UBE2H: variants seen among roughly 807,000 people sequenced by gnomAD.
UBE2H encodes ubiquitin conjugating enzyme E2 H, also known as ubiquitin-conjugating enzyme E2 H.
A neutral mutation model predicts 29.0 loss-of-function variants in UBE2H; 3 were observed. The ratio of observed to expected loss-of-function variants is 0.10; its 90% CI spans 0.05 to 0.27. The LOEUF (loss-of-function observed/expected upper bound fraction) is 0.27, where lower values mean the gene tolerates loss of function less well. UBE2H is among the 10% of genes least tolerant of loss of function. UBE2H has a pLI of 1.00. For synonymous variants in UBE2H, 69 were observed against 82.9 expected, an observed-to-expected ratio of 0.83 and a Z score of 0.91; for missense variants, 68 against 228.2, an observed-to-expected ratio of 0.30 and a Z score of 4.52.
intron 1 of UBE2H, among the ~76,000 whole-genome samples, chr7:129,889,877 C>T (rs931865757): frequency 3.3e-5 from 5 of 152,132 alleles, no homozygotes; most frequent in Admixed American, 6.5e-5. Flanking sequence ...ATACTCCTAG[C>T]TAATCGGAAG....
At chr7:129,903,435 G>C (rs190886365) in intron 1 of UBE2H, among the ~76,000 whole-genome samples, 15 of 152,296 alleles carry the variant, frequency 9.8e-5, no homozygotes, top group Non-Finnish European at 1.9e-4. Flanking sequence ...CATCCTAAGA[G>C]TGTCTGTAAT....
chr7:129,922,327 C>T (rs1245124378), intron 1 of UBE2H, among the ~76,000 whole-genome samples: 2 of 151,354 alleles, frequency 1.3e-5, no homozygotes, highest in Non-Finnish European at 2.9e-5. Context: ...GCTCTGGCAC[C>T]CAGGCTGGAA....
chr7:129,853,842 T>C (rs1041707274), intron 5 of UBE2H, among the ~76,000 whole-genome samples: 1 of 152,192 alleles, frequency 6.6e-6, no homozygotes, highest in Non-Finnish European at 1.5e-5. Context: ...CAACTGTGAA[T>C]TGTTGTTACG....
intron 1 of UBE2H, among the ~76,000 whole-genome samples, chr7:129,909,381 C>G (rs867106732): frequency 1.1e-4 from 16 of 152,038 alleles, no homozygotes; most frequent in African/African-American, 3.4e-4. Flanking sequence ...GAATTTCTGA[C>G]CTACACCTCA....
At chr7:129,947,651 C>T (rs1355406778) in intron 1 of UBE2H, among the ~76,000 whole-genome samples, 2 of 152,120 alleles carry the variant, frequency 1.3e-5, no homozygotes, top group African/African-American at 4.8e-5. Flanking sequence ...TCATTTTAAC[C>T]TTTCTATTCC....
intron 5 of UBE2H, among the ~76,000 whole-genome samples, chr7:129,842,252 A>G (rs1325611457): frequency 1.3e-5 from 2 of 152,124 alleles, no homozygotes. Context: ...CCAACATGGC[A>G]AAACCCTGTC....
intron 1 of UBE2H, among the ~76,000 whole-genome samples, chr7:129,909,510 T>C (rs1035891190): frequency 2.6e-5 from 4 of 152,110 alleles, no homozygotes; most frequent in African/African-American, 9.7e-5. Context: ...CCAAGGGTCT[T>C]TTCCTTTTGC....
intron 5 of UBE2H, among the ~76,000 whole-genome samples, chr7:129,850,164 C>T (rs1298831504): frequency 6.6e-6 from 1 of 151,830 alleles, no homozygotes; most frequent in Non-Finnish European, 1.5e-5. Flanking sequence ...CCCAGGGGTT[C>T]GAGACCAGCC....
At chr7:129,875,833 C>T (rs1159215366) in intron 3 of UBE2H, among the ~76,000 whole-genome samples, 3 of 152,180 alleles carry the variant, frequency 2.0e-5, no homozygotes, top group African/African-American at 4.8e-5. Flanking sequence ...CTGTGAACCT[C>T]GAGAAGTGTG....
chr7:129,952,384 G>C, intron 1 of UBE2H, 119 bp downstream of exon 1: 1 of 1,266,110 alleles, frequency 7.9e-7, no homozygotes, highest in Non-Finnish European at 1.1e-6. Flanking sequence ...TGGGGGAGGA[G>C]GGGAGTCTCG....
intron 1 of UBE2H, among the ~76,000 whole-genome samples, chr7:129,926,934 G>T (rs1279822271): frequency 6.6e-6 from 1 of 152,152 alleles, no homozygotes; most frequent in Non-Finnish European, 1.5e-5. Flanking sequence ...TTTACAACCT[G>T]ATTCTTTAAT....
chr7:129,883,672 T>C (rs1205365896), intron 1 of UBE2H, among the ~76,000 whole-genome samples: 1 of 152,210 alleles, frequency 6.6e-6, no homozygotes, highest in Non-Finnish European at 1.5e-5. Flanking sequence ...CGAAACCCTA[T>C]CTCTACTAAA....
intron 6 of UBE2H, 61 bp downstream of exon 6, chr7:129,839,146 T>C (rs1257014092): frequency 8.2e-6 from 13 of 1,576,652 alleles, no homozygotes; most frequent in South Asian, 7.0e-5. Context: ...GGACTTTTAA[T>C]GACTGAAGCC....
chr7:129,842,229 G>A (rs1048145758), intron 5 of UBE2H, among the ~76,000 whole-genome samples: 6 of 152,148 alleles, frequency 3.9e-5, no homozygotes, highest in African/African-American at 9.7e-5. Flanking sequence ...CCAGGAGTTC[G>A]AGACCAGCCT....
intron 5 of UBE2H, among the ~76,000 whole-genome samples, chr7:129,840,208 G>A (rs1303072266): frequency 1.3e-5 from 2 of 151,634 alleles, no homozygotes; most frequent in African/African-American, 2.4e-5. Context: ...TTTTTTGAGA[G>A]AGGATCTCAC....
At chr7:129,848,322 A>C (rs1450194794) in intron 5 of UBE2H, among the ~76,000 whole-genome samples, 1 of 152,244 alleles carries the variant, frequency 6.6e-6, no homozygotes, top group Non-Finnish European at 1.5e-5. Flanking sequence ...GAAGCATGCT[A>C]TCCAAACTTC....
chr7:129,879,543 G>A (rs374163084), intron 3 of UBE2H, 25 bp downstream of exon 3: 48 of 1,601,318 alleles, frequency 3.0e-5, no homozygotes, highest in Non-Finnish European at 1.2e-5. Flanking sequence ...AACTCTCTAA[G>A]GAGAAAAACC....
intron 3 of UBE2H, among the ~76,000 whole-genome samples, chr7:129,872,414 C>T (rs769716827): frequency 2.0e-5 from 3 of 152,042 alleles, no homozygotes; most frequent in Admixed American, 6.5e-5. Context: ...TTATAAACCT[C>T]CACTCCAAAA....
rs1421596835 is a variant in UBE2H at position 129,866,430 on chromosome 7, A to C, written c.206-7489T>G. On this transcript the variant is annotated intron_variant, in intron 3 of 6. Coordinates refer to ENST00000355621, the MANE Select transcript of UBE2H (RefSeq NM_003344.4). ...CCTTTGGTTTCATTTTTGGGAGACT[A>C]ACTTCTGTTTTGTTTTCATAGTTTA... 2.0e-5 allele frequency among the ~76,000 whole-genome samples: 3 copies of C among 152,290 alleles called. No individual in the cohort carries two copies. The East Asian group carries it at 5.8e-4, about 29-fold the overall frequency.
Sources: gnomAD v4.1 joint callset for allele counts (sites outside exome capture counted in the v4.1 genomes callset) on GRCh38, gnomAD v4.1.1 for gene constraint, MANE v1.5 for transcripts, NCBI Gene and HGNC (gene_info 2026-07-23, HGNC 2026-07-21) for gene names.